Variants in PCDHA4 observed in about 807,000 individuals in gnomAD.
PCDHA4 encodes protocadherin alpha-4.
In PCDHA4, 49 loss-of-function variants were observed where a neutral mutation model predicts 61.4. That is an observed-to-expected ratio of 0.80 (90% CI 0.63 to 1.01). The LOEUF is 1.01. Among genes scored for constraint, PCDHA4 ranks in the 50% least tolerant of loss-of-function variants. The probability of loss-of-function intolerance (pLI) is 0.00; values close to 1 mark genes in which losing one functional copy is unlikely to be tolerated. For missense variants in PCDHA4, 1,254 were observed against 1,235.8 expected, an observed-to-expected ratio of 1.01 and a Z score of -0.22; for synonymous variants, 590 against 550.3, an observed-to-expected ratio of 1.07 and a Z score of -1.01.
At chr5:140,831,687 G>A (rs893697384) in intron 1 of PCDHA4, among the ~76,000 whole-genome samples, 1 of 152,012 alleles carries the variant, frequency 6.6e-6, no homozygotes, top group African/African-American at 2.4e-5. Flanking sequence ...TGAATGAAAA[G>A]CAGCAAAAAG....
At chr5:140,991,808 G>A (rs367660702) in intron 3 of PCDHA4, among the ~76,000 whole-genome samples, 4 of 152,074 alleles carry the variant, frequency 2.6e-5, no homozygotes, top group East Asian at 1.9e-4. Flanking sequence ...GGCCACTTCC[G>A]CATTTTTAGG....
intron 1 of PCDHA4, chr5:140,854,737 A>T (rs2043210768): frequency 6.7e-6 from 1 of 149,840 alleles, no homozygotes. Flanking sequence ...TTTTTTCAGC[A>T]GCACAGATAT....
At chr5:140,829,500 C>T (rs2150168972) in intron 1 of PCDHA4, 8 of 1,613,600 alleles carry the variant, frequency 5.0e-6, no homozygotes, top group South Asian at 4.4e-5. Context: ...AACAACCCGC[C>T]GGGCTGCCAC....
At chr5:140,981,583 T>TA (rs2096939530) in intron 2 of PCDHA4, among the ~76,000 whole-genome samples, 1 of 152,098 alleles carries the variant, frequency 6.6e-6, no homozygotes, top group Non-Finnish European at 1.5e-5. Flanking sequence ...CAAAAATAAA[T>TA]AAAATAAAAC....
At chr5:140,876,810 C>A in intron 1 of PCDHA4, 2 of 1,614,154 alleles carry the variant, frequency 1.2e-6, no homozygotes, top group Non-Finnish European at 1.7e-6. Flanking sequence ...TGGAGGTGGC[C>A]GACGTGAACG....
intron 1 of PCDHA4, chr5:140,823,975 G>A: frequency 1.2e-6 from 2 of 1,614,062 alleles, no homozygotes; most frequent in Non-Finnish European, 1.7e-6. Context: ...GTGCACACGG[G>A]GCAAGCCCAC....
chr5:140,843,160 A>C lies in PCDHA4; in HGVS notation c.2385+33588A>C, dbSNP rs2150354112. The stretch of plus-strand genomic sequence containing the variant: ...CGTGGCTTTCGTATGAGCTGCAGCC[A>C]GCTGCAAGCAGCCCTCGCATCCCGT... On this transcript the variant is annotated intron_variant, in intron 1 of 3. Transcript: ENST00000530339. 3.6e-5 allele frequency: 58 copies of C among 1,596,000 alleles called. 4 individuals are homozygous for C. In the South Asian group the frequency reaches 6.1e-4, roughly 17 times the overall value.
At chr5:140,982,602 G>A (rs1554244640) in intron 3 of PCDHA4, 39 bp downstream of exon 3, 2 of 1,607,914 alleles carry the variant, frequency 1.2e-6, no homozygotes, top group African/African-American at 2.7e-5. Context: ...CTTGGTTTCT[G>A]GAAAGTGATC....
chr5:140,939,565 A>G (rs560033193), intron 1 of PCDHA4, among the ~76,000 whole-genome samples: 24 of 152,096 alleles, frequency 1.6e-4, no homozygotes, highest in African/African-American at 5.8e-4. Flanking sequence ...TAGTTTGGTT[A>G]ATCAAAATGG....
chr5:140,822,636 T>A, intron 1 of PCDHA4: 1 of 1,610,778 alleles, frequency 6.2e-7, no homozygotes, highest in Non-Finnish European at 8.5e-7. Context: ...TTCTTGACGA[T>A]GTAAAGTCCA....
At position 140,847,877 on chromosome 5, in the gene PCDHA4, C is replaced by G. The variant is rs1305831915; in HGVS notation, c.2385+38305C>G. On this transcript the variant is annotated intron_variant, in intron 1 of 3. Coordinates refer to ENST00000530339, the MANE Select transcript of PCDHA4 (RefSeq NM_018907.4). ...TGTTGATTCCTTTTACCAGACATGA[C>G]TAAGTTTCTTTTTCATCAGTAGATT... 5 of 149,752 alleles carry G rather than the reference C, an allele frequency of 3.3e-5. 1 individual carries two copies. The highest frequency in any genetic ancestry group is 7.5e-5 in the Non-Finnish European group (5 of 66,994). 9.3% of individuals were successfully genotyped at this position (149,752 alleles called of 1,614,324 possible). A position where few individuals can be genotyped will look rare whatever the true frequency, so the allele number is the denominator to read the frequency against.
At chr5:140,907,846 C>T (rs2073638181) in intron 1 of PCDHA4, among the ~76,000 whole-genome samples, 1 of 152,246 alleles carries the variant, frequency 6.6e-6, no homozygotes, top group Admixed American at 6.5e-5. Flanking sequence ...TTAAAATCCT[C>T]CTCTGCTGAG....
intron 1 of PCDHA4, among the ~76,000 whole-genome samples, chr5:140,844,226 G>A (rs1049637065): frequency 1.3e-5 from 2 of 149,336 alleles, no homozygotes; most frequent in Non-Finnish European, 3.0e-5. Flanking sequence ...AATATCTTTG[G>A]TGTTTCACTA....
intron 1 of PCDHA4, chr5:140,864,379 T>G (rs991413766): frequency 6.6e-6 from 1 of 152,364 alleles, no homozygotes; most frequent in African/African-American, 2.4e-5. Flanking sequence ...TCGATAAGTT[T>G]ATCTCTCACA....
At chr5:140,869,526 G>C (rs1363521095) in intron 1 of PCDHA4, 1 of 1,614,194 alleles carries the variant, frequency 6.2e-7, no homozygotes, top group Non-Finnish European at 8.5e-7. Context: ...AAAAGCTGCT[G>C]ATTGCGGAAT....
rs187904552 is a variant in PCDHA4 at position 140,875,781 on chromosome 5, T to C, written c.2385+66209T>C. ...TGTGCGGGCGGAGCGCGGAGTGCAGTATCCACCTGGAGGTGATCGTGGACA... is the reference window on the plus strand; with the variant it reads ...TGTGCGGGCGGAGCGCGGAGTGCAGCATCCACCTGGAGGTGATCGTGGACA... On this transcript the variant is annotated intron_variant, in intron 1 of 3. Coordinates refer to ENST00000530339, the MANE Select transcript of PCDHA4 (RefSeq NM_018907.4). 4.7e-3 allele frequency: 7,631 copies of C among 1,614,134 alleles called. 28 individuals carry two copies. Among genetic ancestry groups the C allele is most frequent in the Middle Eastern group, 6.4e-3 (39 of 6,062 alleles).
In PCDHA4 at chr5:140,807,739, T is replaced by C. The variant is rs1764022393; in HGVS notation, c.552T>C (p.Pro184=). 3 of 1,614,194 alleles carry C rather than the reference T, an allele frequency of 1.9e-6. No individual in the cohort carries two copies. Among genetic ancestry groups the C allele is most frequent in the South Asian group, 1.1e-5 (1 of 91,082 alleles). Residue 184 remains proline (P), a synonymous_variant, in exon 1 of 4, where the codon CCT becomes CCC. Transcript: ENST00000530339. ...PNEYFSLEKP[P]DDELVKGLGL... is the part of the protein sequence containing the mutation. ...AATACTTTTCTCTGGAAAAACCACC[T>C]GATGACGAGCTGGTAAAAGGTCTTG...
intron 1 of PCDHA4, chr5:140,966,716 G>T: frequency 1.4e-6 from 2 of 1,394,682 alleles, no homozygotes; most frequent in Non-Finnish European, 9.2e-7. Context: ...CACGGCTGGG[G>T]AAGCTGCCGC....
intron 1 of PCDHA4, chr5:140,829,327 C>T: frequency 6.2e-7 from 1 of 1,614,240 alleles, no homozygotes; most frequent in South Asian, 1.1e-5. Context: ...TGGACAGTGC[C>T]CTGGACCGCG....
Sources: allele counts gnomAD v4.1 joint callset (sites outside exome capture counted in the v4.1 genomes callset), GRCh38; gene constraint gnomAD v4.1.1; transcripts MANE v1.5; gene names NCBI Gene and HGNC (gene_info 2026-07-23, HGNC 2026-07-21).